Variants in CD96 observed in about 807,000 individuals in gnomAD.
CD96 encodes the protein T-cell surface protein tactile.
A neutral mutation model predicts 71.3 loss-of-function variants in CD96; 70 were observed. The ratio of observed to expected loss-of-function variants is 0.98; its 90% CI spans 0.81 to 1.20. The LOEUF is 1.20. Ranked by LOEUF, CD96 falls within the 50% of genes most tolerant of loss-of-function variation. The pLI, the probability that CD96 is intolerant of heterozygous loss-of-function variation, is 0.00. For synonymous variants in CD96, 248 were observed against 233.0 expected, an observed-to-expected ratio of 1.06 and a Z score of -0.59; for missense variants, 742 against 677.5, an observed-to-expected ratio of 1.10 and a Z score of -1.06.
At chr3:111,598,318 C>T in intron 6 of CD96, 108 bp downstream of exon 6, 2 of 722,682 alleles carry the variant, frequency 2.8e-6, no homozygotes, top group Non-Finnish European at 5.1e-6. Context: ...GAATGATTCT[C>T]ATTCCAAGAA....
At chr3:111,593,156 T>TCTCGGTGG in intron 5 of CD96, 3 of 165,810 alleles carry the variant, frequency 1.8e-5, no homozygotes, top group South Asian at 1.8e-4. Flanking sequence ...CATAGGCACA[T>TCTCGGTGG]TCCAGCTACC....
intron 10 of CD96, among the ~76,000 whole-genome samples, chr3:111,626,582 T>C (rs1165970288): frequency 6.6e-6 from 1 of 152,136 alleles, no homozygotes; most frequent in Non-Finnish European, 1.5e-5. Context: ...TTCCTAGATA[T>C]AAAAATCCCT....
chr3:111,614,892 T>C lies in CD96; in HGVS notation c.1180+8100T>C, dbSNP rs536255774. 8.1e-4 allele frequency among the ~76,000 whole-genome samples: 124 copies of C among 152,316 alleles called. 1 individual carries two copies. The highest frequency in any genetic ancestry group is 2.8e-3 in the African/African-American group (117 of 41,572). ...TGGTCTAAAGTGAAGGAGCGGATTC[T>C]TCTTCATCTTCTCCATGAGGGAGGG... On this transcript the variant is annotated intron_variant, in intron 8 of 13. Coordinates refer to ENST00000352690, the MANE Select transcript of CD96 (RefSeq NM_005816.5).
At chr3:111,581,384 T>A (rs1293777142) in intron 4 of CD96, among the ~76,000 whole-genome samples, 1 of 152,182 alleles carries the variant, frequency 6.6e-6, no homozygotes, top group African/African-American at 2.4e-5. Flanking sequence ...TGGTGATTCC[T>A]CATATAGAAT....
chr3:111,618,484 G>A (rs1273600844), intron 8 of CD96, among the ~76,000 whole-genome samples: 1 of 152,012 alleles, frequency 6.6e-6, no homozygotes, highest in Admixed American at 6.5e-5. Context: ...TCATGATTAA[G>A]AGTCTAGTAA....
In CD96 at chr3:111,649,757, A is replaced by C; in HGVS notation, c.1661A>C (p.Gln554Pro). 6.2e-7 allele frequency: 1 copy of C among 1,614,098 alleles called. No individual in the cohort carries two copies. The highest frequency in any genetic ancestry group is 8.5e-7 in the Non-Finnish European group (1 of 1,179,900). ...PPPPIKYTCI[Q>P]EPNESDLPYH... ...CCTCCCATCAAGTACACTTGCATTC[A>C]AGAGCCCAACGAAAGTGATCTGCCT... Residue 554 changes from glutamine (Q) to proline (P), a missense_variant, in exon 14 of 14, where the codon CAA (glutamine) becomes CCA (proline). Coordinates refer to ENST00000352690, the MANE Select transcript of CD96 (RefSeq NM_005816.5).
chr3:111,626,322 A>AAG (rs1553709935), intron 10 of CD96, among the ~76,000 whole-genome samples: 2 of 151,572 alleles, frequency 1.3e-5, no homozygotes, highest in East Asian at 3.9e-4. Context: ...AAAAAAAAAA[A>AAG]AAAAAAGAAA....
chr3:111,558,144 G>A (rs1394746246), intron 2 of CD96, among the ~76,000 whole-genome samples: 75 of 126,388 alleles, frequency 5.9e-4, no homozygotes, highest in Middle Eastern at 4.1e-3. Context: ...CAATCATGTC[G>A]TCTGCAAACA....
chr3:111,578,635 G>A (rs907240593), intron 3 of CD96, among the ~76,000 whole-genome samples: 1 of 152,188 alleles, frequency 6.6e-6, no homozygotes, highest in African/African-American at 2.4e-5. Context: ...TTTAAATGAA[G>A]ATTTTATGAA....
chr3:111,665,833 C>T (rs566118634), downstream of CD96: 3 of 152,402 alleles, frequency 2.0e-5, no homozygotes, highest in East Asian at 5.8e-4. Flanking sequence ...GACTCCTGCT[C>T]ATCATTCCTA....
At chr3:111,590,064 C>T (rs539405704) in intron 5 of CD96, among the ~76,000 whole-genome samples, 37 of 152,318 alleles carry the variant, frequency 2.4e-4, no homozygotes, top group East Asian at 3.9e-4. Context: ...CACTCTCTTA[C>T]GTTCATAAAT....
intron 2 of CD96, among the ~76,000 whole-genome samples, chr3:111,553,622 G>C (rs568710849): frequency 6.6e-6 from 1 of 151,806 alleles, no homozygotes; most frequent in African/African-American, 2.4e-5. Context: ...TCTATAAAGA[G>C]AAACTTCCTC....
intron 12 of CD96, among the ~76,000 whole-genome samples, chr3:111,642,458 C>T (rs192341852): frequency 6.6e-6 from 1 of 152,062 alleles, no homozygotes; most frequent in African/African-American, 2.4e-5. Context: ...AAATTAGATA[C>T]CCTAAACAGA....
In CD96 at chr3:111,598,221, T is replaced by TA. The variant is rs747325857; in HGVS notation, c.898+13dup. On this transcript the variant is annotated intron_variant, in intron 6 of 13. Transcript: ENST00000352690. ...ATGATGAAAAAGAAGGTAAGGAAACTAATCAATGGAAATAAGTTCGGTACA... is the reference window on the plus strand; with the variant it reads ...ATGATGAAAAAGAAGGTAAGGAAACTAAATCAATGGAAATAAGTTCGGTACA... 9 of 1,078,806 alleles carry TA rather than the reference T, an allele frequency of 8.3e-6. No individual in the cohort carries two copies. In the East Asian group the frequency reaches 2.1e-4, roughly 25 times the overall value. 66.8% of individuals were successfully genotyped at this position (1,078,806 alleles called of 1,614,324 possible).
downstream of CD96, among the ~76,000 whole-genome samples, chr3:111,652,927 C>G (rs775586887): frequency 1.1e-4 from 16 of 151,914 alleles, no homozygotes; most frequent in Non-Finnish European, 2.4e-4. Context: ...AGATCCTAAT[C>G]CCTAAAGTTT....
At chr3:111,620,950 A>C (rs940480528) in intron 8 of CD96, among the ~76,000 whole-genome samples, 1 of 152,222 alleles carries the variant, frequency 6.6e-6, no homozygotes, top group African/African-American at 2.4e-5. Context: ...TCTGACCTCC[A>C]GAAGAGAACA....
chr3:111,601,742 A>G (rs1458021195), intron 7 of CD96, among the ~76,000 whole-genome samples: 1 of 152,236 alleles, frequency 6.6e-6, no homozygotes, highest in Non-Finnish European at 1.5e-5. Context: ...AGATATCATA[A>G]TCTATAACAT....
At chr3:111,571,941 C>A (rs1344367280) in intron 3 of CD96, among the ~76,000 whole-genome samples, 1 of 152,072 alleles carries the variant, frequency 6.6e-6, no homozygotes, top group African/African-American at 2.4e-5. Flanking sequence ...ATAAACCACA[C>A]CCTGGGCTCA....
chr3:111,616,606 A>G (rs1938249036), intron 8 of CD96, among the ~76,000 whole-genome samples: 2 of 152,198 alleles, frequency 1.3e-5, no homozygotes, highest in Non-Finnish European at 2.9e-5. Context: ...CCAGAATGGA[A>G]TAAATATAGT....
Sources: gnomAD v4.1 joint callset for allele counts (sites outside exome capture counted in the v4.1 genomes callset) on GRCh38, gnomAD v4.1.1 for gene constraint, MANE v1.5 for transcripts, NCBI Gene and HGNC (gene_info 2026-07-23, HGNC 2026-07-21) for gene names.